The following TLE3 variants were observed in gnomAD, a reference collection of about 807,000 sequenced individuals.
TLE3 encodes the protein TLE family member 3, transcriptional corepressor.
TLE3 carries 14 observed loss-of-function variants against 93.0 expected under a neutral mutation model. That is an observed-to-expected ratio of 0.15 (90% CI 0.10 to 0.24). The LOEUF (loss-of-function observed/expected upper bound fraction) is 0.24, where lower values mean the gene tolerates loss of function less well. Ranked by LOEUF, TLE3 falls within the 10% of genes least tolerant of loss-of-function variation. The pLI is 1.00. For missense variants in TLE3, 693 were observed against 1,046.6 expected (o/e 0.66, Z 4.66); for synonymous variants, 451 against 425.0 (o/e 1.06, Z -0.75).
intron 2 of TLE3, 101 bp downstream of exon 2, chr15:70,096,060 C>G: frequency 7.3e-7 from 1 of 1,364,222 alleles, no homozygotes; most frequent in Non-Finnish European, 9.9e-7. Context: ...CCCCGCCGCC[C>G]CTAGGTCGGG....
At chr15:70,073,088 C>T (rs1395618375) in intron 6 of TLE3, among the ~76,000 whole-genome samples, 4 of 152,188 alleles carry the variant, frequency 2.6e-5, no homozygotes, top group Admixed American at 6.5e-5. Flanking sequence ...GAAGGACAAA[C>T]CCACTGTGCT....
chr15:70,067,855 C>T (rs1226092822), intron 6 of TLE3, among the ~76,000 whole-genome samples: 1 of 152,242 alleles, frequency 6.6e-6, no homozygotes, highest in South Asian at 2.1e-4. Context: ...GCACTGCGGC[C>T]GTTGTTCAAA....
At chr15:70,063,464 G>A (rs1024880561) in intron 8 of TLE3, among the ~76,000 whole-genome samples, 1 of 152,224 alleles carries the variant, frequency 6.6e-6, no homozygotes, top group African/African-American at 2.4e-5. Context: ...CTGCTAATGG[G>A]AGGTTTAAAA....
chr15:70,065,978 T>TCCCCCCCCCCCCCCCA, intron 7 of TLE3, 36 bp downstream of exon 7: 4 of 686,814 alleles, frequency 5.8e-6, no homozygotes, highest in Non-Finnish European at 1.0e-5. Flanking sequence ...TGCCCACCCC[T>TCCCCCCCCCCCCCCCA]GCCCCGCCCC....
chr15:70,058,809 CGGGGTCCT>C lies in TLE3; in HGVS notation c.766-2_771del. 6.3e-7 allele frequency: 1 copy of C among 1,578,296 alleles called. No homozygotes were observed. The highest frequency in any genetic ancestry group is 8.6e-7 in the Non-Finnish European group (1 of 1,164,614). Reference sequence around the variant, plus strand: ...TGTGCCGGGCTGACCCGGGGCGTTGCGGGGTCCTGAAAACACAAGTGATGCAGAGATGC... The same window carrying C: ...TGTGCCGGGCTGACCCGGGGCGTTGCGAAAACACAAGTGATGCAGAGATGC... On this transcript the variant is annotated splice_acceptor_variant and coding_sequence_variant, in exon 11 of 20. Coordinates refer to ENST00000451782, the MANE Select transcript of TLE3 (RefSeq NM_001105192.3). LOFTEE classifies it high-confidence loss of function. This position sits in a 1 kb window ranked among gnomAD's most constrained non-coding sequence, Gnocchi z 4.1.
chr15:70,054,853 T>C (rs2055875984), intron 15 of TLE3, 168 bp from the exon 16 acceptor site: 2 of 1,227,616 alleles, frequency 1.6e-6, no homozygotes, highest in Non-Finnish European at 1.1e-6. Flanking sequence ...CCCTTTGATC[T>C]TTCATGAATA....
In TLE3 at chr15:70,049,863, CA is replaced by C; in HGVS notation, c.*233del. 1 of 469,408 alleles carries C rather than the reference CA, an allele frequency of 2.1e-6. No homozygotes were observed. Among genetic ancestry groups the C allele is most frequent in the South Asian group, 2.9e-5 (1 of 35,028 alleles). 29.1% of individuals were successfully genotyped at this position (469,408 alleles called of 1,614,324 possible). A position where few individuals can be genotyped will look rare whatever the true frequency, so the allele number is the denominator to read the frequency against. On this transcript the variant is annotated 3_prime_UTR_variant, in exon 20 of 20. Transcript: ENST00000451782. ...ATTTGTAGCAACTGCCAGCATTGTT[CA>C]GGGGGAGGAGGAGGAGCAGAACCCT...
intron 8 of TLE3, among the ~76,000 whole-genome samples, chr15:70,062,293 T>C (rs1482483974): frequency 6.6e-6 from 1 of 152,212 alleles, no homozygotes; most frequent in Non-Finnish European, 1.5e-5. Context: ...CGTCATTTCA[T>C]TTCATTTCCT....
In TLE3 at chr15:70,096,905, C is replaced by G. The variant is rs2058594737; in HGVS notation, c.-107G>C. On this transcript the variant is annotated 5_prime_UTR_variant, in exon 1 of 20. Transcript: ENST00000451782. The stretch of plus-strand genomic sequence containing the variant: ...CCCGAGCGGGGGGCGGCCGGGAAAC[C>G]GAGAGCTCGCCCCCGGCCCCCCCAG... The G allele has an allele frequency of 7.9e-7, 1 of 1,268,350 alleles. No individual in the cohort carries two copies. The allele number at this position is 1,268,350 out of a possible 1,614,324, so 78.6% of individuals were successfully genotyped here. A position where few individuals can be genotyped will look rare whatever the true frequency, so the allele number is the denominator to read the frequency against.
At chr15:70,081,043 G>T (rs1368105692) in intron 4 of TLE3, among the ~76,000 whole-genome samples, 1 of 152,164 alleles carries the variant, frequency 6.6e-6, no homozygotes, top group Non-Finnish European at 1.5e-5. Context: ...CCAAATAAAG[G>T]CAAGGAGAAG....
chr15:70,064,336 C>G (rs2056680852), intron 8 of TLE3, 118 bp downstream of exon 8: 1 of 1,287,936 alleles, frequency 7.8e-7, no homozygotes, highest in Admixed American at 2.1e-5. Context: ...AGCGGGAACC[C>G]AGAAGCCAGC....
chr15:70,074,168 C>T (rs1166748558), intron 6 of TLE3, among the ~76,000 whole-genome samples: 2 of 152,248 alleles, frequency 1.3e-5, no homozygotes, highest in Admixed American at 6.5e-5. Context: ...AGACAGGCCC[C>T]GGGGTAAGTG....
chr15:70,058,430 T>C lies in TLE3; in HGVS notation c.919-139A>G. On this transcript the variant is annotated intron_variant, in intron 11 of 19. Coordinates refer to ENST00000451782, the MANE Select transcript of TLE3 (RefSeq NM_001105192.3). This position sits in a 1 kb window ranked among gnomAD's most constrained non-coding sequence, Gnocchi z 4.1. Reference sequence around the variant, plus strand: ...TTCTGCCGAACAGCCTCTCAATCCTTGCCCAACCTTGTTTGGCAGGGACTG... The same window carrying C: ...TTCTGCCGAACAGCCTCTCAATCCTCGCCCAACCTTGTTTGGCAGGGACTG... The C allele has an allele frequency of 7.0e-7, 1 of 1,426,908 alleles. No individual in the cohort carries two copies. The allele number at this position is 1,426,908 out of a possible 1,614,324, so 88.4% of individuals were successfully genotyped here.
intron 4 of TLE3, among the ~76,000 whole-genome samples, chr15:70,087,621 T>C (rs2141991229): frequency 6.6e-6 from 1 of 152,324 alleles, no homozygotes; most frequent in East Asian, 1.9e-4. Context: ...AGCCCATCCA[T>C]GCTCCTACCC....
At chr15:70,069,264 C>A (rs769913951) in intron 6 of TLE3, among the ~76,000 whole-genome samples, 2 of 152,222 alleles carry the variant, frequency 1.3e-5, no homozygotes, top group African/African-American at 2.4e-5. Flanking sequence ...CTCCCAGCTC[C>A]ATGCCTTCCT....
chr15:70,057,015 A>C (rs190694993), intron 13 of TLE3, among the ~76,000 whole-genome samples: 106 of 152,300 alleles, frequency 7.0e-4, no homozygotes, highest in African/African-American at 2.4e-3. Flanking sequence ...GGCCTCCCAA[A>C]GTGCTGGGAT....
In TLE3 at chr15:70,058,107, AC is replaced by A. The variant is rs1447663925; in HGVS notation, c.1051+51del. ...TCACCCCTGCCCTGGCCAAGAGCAG[AC>A]CCCCTCCCCCCAATCAGATTAACCC... On this transcript the variant is annotated intron_variant, in intron 12 of 19. Transcript: ENST00000451782. This position sits in a 1 kb window ranked among gnomAD's most constrained non-coding sequence, Gnocchi z 4.1. 6.8e-6 allele frequency: 11 copies of A among 1,611,856 alleles called. No homozygotes were observed. The highest frequency in any genetic ancestry group is 8.5e-6 in the Non-Finnish European group (10 of 1,179,130).
intron 13 of TLE3, 109 bp downstream of exon 13, chr15:70,057,350 G>A: frequency 7.8e-7 from 1 of 1,278,926 alleles, no homozygotes; most frequent in African/African-American, 1.5e-5. Context: ...GCAGCTGCCT[G>A]GCCTTGAGAC....
At position 70,052,516 on chromosome 15, in the gene TLE3, C is replaced by A. The variant is rs761641757; in HGVS notation, c.1983G>T (p.Ser661=). The A allele has an allele frequency of 6.2e-7, 1 of 1,613,162 alleles. No individual in the cohort carries two copies. ...ACTCCCCAGTGGGGCAGTAGCCCAG[C>A]GAGAAGATCTGCAGGTGGTGGGAGG... ...QQHDFTSQIF[S]LGYCPTGEWL... is the part of the protein sequence containing the mutation. The change falls in exon 18 of 20, where the codon TCG becomes TCT. Residue 661 remains serine, a synonymous_variant. Transcript: ENST00000451782.
Sources: gnomAD v4.1 joint callset for allele counts (sites outside exome capture counted in the v4.1 genomes callset) on GRCh38, gnomAD v4.1.1 for gene constraint, Gnocchi (gnomAD v3.1) non-coding constraint, MANE v1.5 for transcripts, NCBI Gene and HGNC (gene_info 2026-07-23, HGNC 2026-07-21) for gene names.